The following TGFB2 variants were observed in gnomAD, a reference collection of about 807,000 sequenced individuals.
TGFB2 encodes the protein transforming growth factor beta 2, also known as transforming growth factor beta-2 proprotein.
In TGFB2, 13 loss-of-function variants were observed where a neutral mutation model predicts 42.7. That is an observed-to-expected ratio of 0.30 (90% CI 0.20 to 0.48). The LOEUF (loss-of-function observed/expected upper bound fraction) is 0.48. Ranked by LOEUF, TGFB2 falls within the 20% of genes least tolerant of loss-of-function variation. The pLI is 0.99. For synonymous variants in TGFB2, 193 were observed against 193.6 expected (o/e 1.00, Z 0.03); for missense variants, 390 against 517.5 (o/e 0.75, Z 2.39).
At chr1:218,392,768 G>A (rs183292325) in intron 1 of TGFB2, among the ~76,000 whole-genome samples, 14 of 152,298 alleles carry the variant, frequency 9.2e-5, no homozygotes, top group Non-Finnish European at 1.5e-4. Flanking sequence ...CTCTAAAACT[G>A]GATAATCCAG....
chr1:218,437,592 C>G, intron 6 of TGFB2, 96 bp downstream of exon 6: 1 of 1,317,192 alleles, frequency 7.6e-7, no homozygotes, highest in Non-Finnish European at 1.0e-6. Flanking sequence ...CTCGTGCTGT[C>G]TTACCATCAC....
chr1:218,417,582 A>C (rs1285943381), intron 2 of TGFB2, among the ~76,000 whole-genome samples: 2 of 152,246 alleles, frequency 1.3e-5, no homozygotes, highest in African/African-American at 2.4e-5. Flanking sequence ...AAATTTGCTT[A>C]AGTAATGAGG....
intron 1 of TGFB2, among the ~76,000 whole-genome samples, chr1:218,353,049 A>T (rs1305360813): frequency 6.6e-6 from 1 of 152,124 alleles, no homozygotes; most frequent in African/African-American, 2.4e-5. Flanking sequence ...AATGCCTTTG[A>T]CTTCAGGGTA....
intron 2 of TGFB2, among the ~76,000 whole-genome samples, chr1:218,410,596 G>T (rs1659063257): frequency 6.6e-6 from 1 of 152,220 alleles, no homozygotes; most frequent in East Asian, 1.9e-4. Context: ...GAGGGATAAA[G>T]TGTCTGAAAG....
rs191862791 is a variant in TGFB2, at chr1:218,442,429, T to C, written c.*1067T>C. The C allele has an allele frequency of 1.3e-5, 2 of 152,300 alleles. No individual in the cohort carries two copies. The highest frequency in any genetic ancestry group is 1.3e-4 in the Admixed American group (2 of 15,298). 9.4% of individuals were successfully genotyped at this position (152,300 alleles called of 1,614,324 possible). On this transcript the variant is annotated 3_prime_UTR_variant, in exon 7 of 7. Transcript: ENST00000366930. ...CTACTTTATGTGTAATGTGTAAATT[T>C]TTACCATATTTTTTATATTCTGTAA...
intron 1 of TGFB2, among the ~76,000 whole-genome samples, chr1:218,389,264 C>G (rs1032326503): frequency 6.6e-6 from 1 of 152,126 alleles, no homozygotes; most frequent in Admixed American, 6.5e-5. Context: ...GATTAATTTC[C>G]TTTTGCTTTG....
rs1660153947 is a variant in TGFB2 at position 218,441,583 on chromosome 1, A to G, written c.*221A>G. 2.6e-6 allele frequency: 1 copy of G among 384,564 alleles called. No homozygotes were observed. The highest frequency in any genetic ancestry group is 4.5e-6 in the Non-Finnish European group (1 of 219,828). 23.8% of individuals were successfully genotyped at this position (384,564 alleles called of 1,614,324 possible). A position where few individuals can be genotyped will look rare whatever the true frequency, so the allele number is the denominator to read the frequency against. On this transcript the variant is annotated 3_prime_UTR_variant, in exon 7 of 7. Coordinates refer to ENST00000366930, the MANE Select transcript of TGFB2 (RefSeq NM_003238.6). Reference sequence around the variant, plus strand: ...AAAAAAGTTGAAGGCCTTATTCTACATTTCACCTACTTTGTAAGTGAGAGA... The same window carrying G: ...AAAAAAGTTGAAGGCCTTATTCTACGTTTCACCTACTTTGTAAGTGAGAGA...
rs1660246688 is a variant in TGFB2 at position 218,444,138 on chromosome 1, A to AGT, written c.*2777_*2778dup. Reference sequence around the variant, plus strand: ...CTCCCTTAAGGACAGTCACTTCAGAAGTCATGCTTTAAAGCACAAGAGTCA... The same window carrying AGT: ...CTCCCTTAAGGACAGTCACTTCAGAAGTGTCATGCTTTAAAGCACAAGAGTCA... On this transcript the variant is annotated 3_prime_UTR_variant, in exon 7 of 7. Coordinates refer to ENST00000366930, the MANE Select transcript of TGFB2 (RefSeq NM_003238.6). 6.6e-6 allele frequency: 1 copy of AGT among 152,148 alleles called. No homozygotes were observed. The highest frequency in any genetic ancestry group is 6.5e-5 in the Admixed American group (1 of 15,274). 9.4% of individuals were successfully genotyped at this position (152,148 alleles called of 1,614,324 possible). A position where few individuals can be genotyped will look rare whatever the true frequency, so the allele number is the denominator to read the frequency against.
Position 218,348,067 on chromosome 1 carries a change from T to TA in TGFB2, c.346+1027dup, listed in dbSNP as rs1189439810. 2.8e-5 allele frequency among the ~76,000 whole-genome samples: 4 copies of TA among 142,012 alleles called. No individual in the cohort carries two copies. The South Asian group carries it at 6.7e-4, about 24-fold the overall frequency. 93.2% of individuals were successfully genotyped at this position (142,012 alleles called of 152,430 possible). A position where few individuals can be genotyped will look rare whatever the true frequency, so the allele number is the denominator to read the frequency against. ...CAGTGTAGAATGATTTCAGAGTTCTTAAAAAAAGAAAAAAAAGAAAGAAAG... is the reference window on the plus strand; with the variant it reads ...CAGTGTAGAATGATTTCAGAGTTCTTAAAAAAAAGAAAAAAAAGAAAGAAAG... On this transcript the variant is annotated intron_variant, in intron 1 of 6. Coordinates refer to ENST00000366930, the MANE Select transcript of TGFB2 (RefSeq NM_003238.6).
chr1:218,415,694 C>CAAAAAAA lies in TGFB2; in HGVS notation c.510+10366_510+10367insAAAAAAA, dbSNP rs779476856. Among the ~76,000 whole-genome samples the CAAAAAAA allele has an allele frequency of 1.7e-4, 7 of 40,150 alleles. 2 individuals carry two copies. The highest frequency in any genetic ancestry group is 2.9e-4 in the Admixed American group (1 of 3,434). The allele number at this position is 40,150 out of a possible 152,430, so 26.3% of individuals were successfully genotyped here. On this transcript the variant is annotated intron_variant, in intron 2 of 6. Transcript: ENST00000366930. ...TGGGCGACAGAGCGAGACTCTGTCT[C>CAAAAAAA]AAAAGAAAAAAAAAAAAAAAAAAAA...
At chr1:218,371,841 T>C (rs754019184) in intron 1 of TGFB2, among the ~76,000 whole-genome samples, 3 of 152,230 alleles carry the variant, frequency 2.0e-5, no homozygotes, top group Non-Finnish European at 2.9e-5. Context: ...TCTTAAACAG[T>C]GTGTACCATG....
chr1:218,386,124 A>G (rs906135605), intron 1 of TGFB2, among the ~76,000 whole-genome samples: 1 of 152,172 alleles, frequency 6.6e-6, no homozygotes, highest in Non-Finnish European at 1.5e-5. Context: ...TCCTTTAAGT[A>G]CTACAGAACA....
chr1:218,398,922 G>A (rs781232999), intron 1 of TGFB2, among the ~76,000 whole-genome samples: 19 of 151,904 alleles, frequency 1.3e-4, no homozygotes, highest in Non-Finnish European at 2.5e-4. Flanking sequence ...TCACTCTGTT[G>A]CCCAGGCTTC....
chr1:218,369,416 T>C (rs535019634), intron 1 of TGFB2, among the ~76,000 whole-genome samples: 2 of 152,290 alleles, frequency 1.3e-5, no homozygotes, highest in South Asian at 2.1e-4. Flanking sequence ...TGCCTTATGC[T>C]GAGTTTTTCC....
intron 1 of TGFB2, among the ~76,000 whole-genome samples, chr1:218,404,377 G>A (rs937899569): frequency 6.6e-6 from 1 of 152,180 alleles, no homozygotes; most frequent in African/African-American, 2.4e-5. Context: ...GCCTCCCAAA[G>A]TGTTGTTGGA....
chr1:218,422,296 C>A (rs2102613789), intron 2 of TGFB2, among the ~76,000 whole-genome samples: 1 of 151,972 alleles, frequency 6.6e-6, no homozygotes, highest in Non-Finnish European at 1.5e-5. Flanking sequence ...TGGCTCGCTG[C>A]AGCCTCAACC....
At chr1:218,412,659 A>G (rs1010559685) in intron 2 of TGFB2, among the ~76,000 whole-genome samples, 1 of 152,192 alleles carries the variant, frequency 6.6e-6, no homozygotes, top group Non-Finnish European at 1.5e-5. Flanking sequence ...ATGAGGGTGA[A>G]ATGAAATAAT....
intron 2 of TGFB2, among the ~76,000 whole-genome samples, chr1:218,429,603 T>C (rs1239019603): frequency 6.6e-6 from 1 of 152,064 alleles, no homozygotes; most frequent in Non-Finnish European, 1.5e-5. Flanking sequence ...CTTTTGGCTA[T>C]ATATCTTAAG....
intron 2 of TGFB2, among the ~76,000 whole-genome samples, chr1:218,408,221 G>T (rs547521764): frequency 2.0e-5 from 3 of 152,250 alleles, no homozygotes; most frequent in African/African-American, 4.8e-5. Flanking sequence ...CTGCCAGCAG[G>T]CTTGCCAATG....
Sources: allele counts gnomAD v4.1 joint callset (sites outside exome capture counted in the v4.1 genomes callset), GRCh38; gene constraint gnomAD v4.1.1; transcripts MANE v1.5; gene names NCBI Gene and HGNC (gene_info 2026-07-23, HGNC 2026-07-21).